The following DPP10 variants were observed in gnomAD, a reference collection of about 807,000 sequenced individuals.
The protein encoded by DPP10 is dipeptidyl peptidase like 10, also known as inactive dipeptidyl peptidase 10.
A neutral mutation model predicts 120.9 loss-of-function variants in DPP10; 33 were observed. The ratio of observed to expected loss-of-function variants is 0.27; its 90% CI spans 0.21 to 0.37. The LOEUF (loss-of-function observed/expected upper bound fraction) is 0.37, where lower values mean the gene tolerates loss of function less well. DPP10 is among the 10% of genes least tolerant of loss of function. The probability of loss-of-function intolerance (pLI) is 1.00; values close to 1 mark genes in which losing one functional copy is unlikely to be tolerated. For synonymous variants in DPP10, 337 were observed against 326.1 expected (o/e 1.03, Z -0.36); for missense variants, 816 against 942.8 (o/e 0.87, Z 1.76).
chr2:114,975,437 T>C (rs1699693392), intron 1 of DPP10, among the ~76,000 whole-genome samples: 1 of 152,124 alleles, frequency 6.6e-6, no homozygotes, highest in African/African-American at 2.4e-5. Flanking sequence ...CCATAGAAAA[T>C]ATATTGTGGC....
intron 1 of DPP10, among the ~76,000 whole-genome samples, chr2:115,213,934 A>G (rs2056664606): frequency 1.3e-5 from 2 of 152,002 alleles, no homozygotes; most frequent in Non-Finnish European, 2.9e-5. Context: ...TTATGGAAAT[A>G]GAGGCAGGAT....
intron 1 of DPP10, among the ~76,000 whole-genome samples, chr2:114,972,428 A>G (rs1699458957): frequency 6.6e-6 from 1 of 152,206 alleles, no homozygotes; most frequent in South Asian, 2.1e-4. Context: ...GAAAGCCTGG[A>G]GCCTTTGACT....
chr2:114,832,378 C>CA (rs1401936167), intron 1 of DPP10, among the ~76,000 whole-genome samples: 2 of 151,976 alleles, frequency 1.3e-5, no homozygotes, highest in Admixed American at 6.6e-5. Context: ...CTAAAAACTA[C>CA]AAAAAAATTA....
intron 1 of DPP10, among the ~76,000 whole-genome samples, chr2:114,672,506 T>C (rs1558990273): frequency 6.6e-6 from 1 of 152,172 alleles, no homozygotes. Flanking sequence ...ATGTTCCATC[T>C]GTAAAATTTG....
intron 3 of DPP10, among the ~76,000 whole-genome samples, chr2:115,380,413 T>G (rs1282482372): frequency 6.6e-6 from 1 of 152,196 alleles, no homozygotes; most frequent in Non-Finnish European, 1.5e-5. Context: ...TGGTAGATCT[T>G]CTTCCATCCT....
chr2:114,744,330 T>C (rs1418477936), intron 1 of DPP10, among the ~76,000 whole-genome samples: 2 of 152,152 alleles, frequency 1.3e-5, no homozygotes, highest in South Asian at 2.1e-4. Context: ...AAGGAGACTA[T>C]TGGAAGTGTG....
At chr2:114,478,055 C>T (rs1414245838) in intron 1 of DPP10, among the ~76,000 whole-genome samples, 6 of 151,588 alleles carry the variant, frequency 4.0e-5, no homozygotes, top group Non-Finnish European at 5.9e-5. Context: ...ATTTAGGCAG[C>T]TAAAAATACT....
intron 1 of DPP10, among the ~76,000 whole-genome samples, chr2:115,073,621 A>T (rs2104454955): frequency 6.6e-6 from 1 of 152,378 alleles, no homozygotes; most frequent in Non-Finnish European, 1.5e-5. Flanking sequence ...TGTCTAGAAG[A>T]GCAGGGATTT....
intron 3 of DPP10, among the ~76,000 whole-genome samples, chr2:115,376,393 A>C (rs1394929692): frequency 2.6e-5 from 4 of 152,096 alleles, no homozygotes. Flanking sequence ...AAGATTAAAA[A>C]GACTGGGTTT....
chr2:114,992,180 G>A (rs550441296), intron 1 of DPP10, among the ~76,000 whole-genome samples: 1 of 152,296 alleles, frequency 6.6e-6, no homozygotes, highest in African/African-American at 2.4e-5. Context: ...AAGTAAAGAA[G>A]TGTCACAAAG....
At chr2:115,425,966 T>C (rs143777102) in intron 3 of DPP10, among the ~76,000 whole-genome samples, 1 of 152,296 alleles carries the variant, frequency 6.6e-6, no homozygotes, top group African/African-American at 2.4e-5. Flanking sequence ...ACTGACTTAA[T>C]ACCATGAGGG....
chr2:115,270,447 C>T lies in DPP10; in HGVS notation c.61-38792C>T, dbSNP rs147758541. Among the ~76,000 whole-genome samples the T allele has an allele frequency of 4.7e-3, 711 of 152,070 alleles. 8 individuals carry two copies. The highest frequency in any genetic ancestry group is 0.015 in the African/African-American group (640 of 41,488). On this transcript the variant is annotated intron_variant, in intron 1 of 25. Coordinates refer to ENST00000410059, the MANE Select transcript of DPP10 (RefSeq NM_020868.6). ...CCTTTATTGAGCTATGGGGGTTACC[C>T]GTTAGGCTTTCCCATAGAGGTTATT...
At chr2:115,356,388 T>G (rs1034882886) in intron 3 of DPP10, among the ~76,000 whole-genome samples, 4 of 152,030 alleles carry the variant, frequency 2.6e-5, no homozygotes, top group Non-Finnish European at 5.9e-5. Context: ...ATGCTTGTGG[T>G]TTTTGCACAT....
intron 5 of DPP10, among the ~76,000 whole-genome samples, chr2:115,688,614 T>A (rs1024691806): frequency 3.9e-5 from 6 of 152,074 alleles, no homozygotes; most frequent in Non-Finnish European, 5.9e-5. Context: ...AGAAAAATAA[T>A]TTTCACAGAA....
At chr2:114,838,290 A>T (rs1423590831) in intron 1 of DPP10, among the ~76,000 whole-genome samples, 3 of 152,100 alleles carry the variant, frequency 2.0e-5, no homozygotes, top group Non-Finnish European at 4.4e-5. Flanking sequence ...AGTTCACCTA[A>T]TTCTTAAGTC....
chr2:114,842,621 T>C (rs1688248560), intron 1 of DPP10, among the ~76,000 whole-genome samples: 1 of 152,008 alleles, frequency 6.6e-6, no homozygotes, highest in Admixed American at 6.6e-5. Context: ...GAATATATAT[T>C]TAGGGAAATG....
At chr2:115,365,612 G>T (rs963747576) in intron 3 of DPP10, among the ~76,000 whole-genome samples, 3 of 151,750 alleles carry the variant, frequency 2.0e-5, no homozygotes, top group East Asian at 1.9e-4. Context: ...CAATACAATG[G>T]CAATTAATTC....
intron 1 of DPP10, among the ~76,000 whole-genome samples, chr2:114,587,348 C>T (rs1370786343): frequency 6.7e-6 from 1 of 150,354 alleles, no homozygotes; most frequent in Non-Finnish European, 1.5e-5. Flanking sequence ...CACACACACA[C>T]AGACACACAC....
At chr2:115,041,428 C>T (rs1481418728) in intron 1 of DPP10, among the ~76,000 whole-genome samples, 1 of 151,232 alleles carries the variant, frequency 6.6e-6, no homozygotes, top group Non-Finnish European at 1.5e-5. Flanking sequence ...TGGCATTAAC[C>T]CAGGAGAGGA....
Sources: gnomAD v4.1 joint callset for allele counts (sites outside exome capture counted in the v4.1 genomes callset) on GRCh38, gnomAD v4.1.1 for gene constraint, MANE v1.5 for transcripts, NCBI Gene and HGNC (gene_info 2026-07-23, HGNC 2026-07-21) for gene names.